IRF2: variants seen among roughly 807,000 people sequenced by gnomAD.
IRF2 encodes the protein interferon regulatory factor 2.
Under a neutral mutation model 40.6 loss-of-function variants are expected in IRF2, and 15 were observed. That is an observed-to-expected ratio of 0.37 (90% CI 0.25 to 0.57). The LOEUF is 0.57. IRF2 is among the 20% of genes least tolerant of loss of function. The probability of loss-of-function intolerance (pLI) is 0.77; values close to 1 mark genes in which losing one functional copy is unlikely to be tolerated. For missense variants in IRF2, 317 were observed against 455.7 expected, an observed-to-expected ratio of 0.70 and a Z score of 2.77; for synonymous variants, 151 against 165.5, an observed-to-expected ratio of 0.91 and a Z score of 0.67.
intron 8 of IRF2, 91 bp from the exon 9 acceptor site, chr4:184,389,157 T>C (rs1736160681): frequency 1.6e-6 from 2 of 1,285,886 alleles, no homozygotes; most frequent in Non-Finnish European, 1.1e-6. Context: ...TGGTGGCTCA[T>C]GCCTGTAATC....
At chr4:184,405,012 G>A (rs1008598448) in intron 6 of IRF2, among the ~76,000 whole-genome samples, 5 of 152,230 alleles carry the variant, frequency 3.3e-5, no homozygotes, top group African/African-American at 1.2e-4. Flanking sequence ...GGAGACCGAG[G>A]TAGGTGGATC....
intron 6 of IRF2, among the ~76,000 whole-genome samples, chr4:184,400,363 CAG>C (rs1736623379): frequency 6.6e-6 from 1 of 152,130 alleles, no homozygotes; most frequent in Non-Finnish European, 1.5e-5. Context: ...TAATTCACCG[CAG>C]AGTCACCCAA....
chr4:184,455,111 G>A (rs760270264), intron 1 of IRF2, among the ~76,000 whole-genome samples: 4 of 151,822 alleles, frequency 2.6e-5, no homozygotes, highest in South Asian at 4.2e-4. Flanking sequence ...GTTCCACAAC[G>A]CCCATTGAAT....
intron 1 of IRF2, among the ~76,000 whole-genome samples, chr4:184,443,692 T>C (rs1397651948): frequency 6.6e-6 from 1 of 152,240 alleles, no homozygotes; most frequent in Non-Finnish European, 1.5e-5. Flanking sequence ...CAGGTATCTT[T>C]TGCTAGAATG....
At chr4:184,411,937 G>A (rs1244706115) in intron 5 of IRF2, among the ~76,000 whole-genome samples, 1 of 147,166 alleles carries the variant, frequency 6.8e-6, no homozygotes, top group Non-Finnish European at 1.5e-5. Flanking sequence ...TTTAGATAGA[G>A]ACTCTTCTGT....
chr4:184,439,337 G>C (rs528937305), intron 1 of IRF2, among the ~76,000 whole-genome samples: 1 of 146,502 alleles, frequency 6.8e-6, no homozygotes, highest in African/African-American at 2.5e-5. Flanking sequence ...AAAAAGCGGG[G>C]CGGAGCGGGG....
At position 184,399,080 on chromosome 4, in the gene IRF2, C is replaced by T. The variant is rs753321388; in HGVS notation, c.530-1G>A. The T allele has an allele frequency of 1.9e-6, 3 of 1,583,898 alleles. No individual in the cohort carries two copies. The highest frequency in any genetic ancestry group is 1.1e-5 in the South Asian group (1 of 87,132). On this transcript the variant is annotated splice_acceptor_variant, in intron 6 of 8. Transcript: ENST00000393593. LOFTEE classifies it high-confidence loss of function. ...CTGTCCAGATGGGACTGTCCTACAA[C>T]TTCAAAGAAAAGACAGCCATCATGC...
intron 1 of IRF2, among the ~76,000 whole-genome samples, chr4:184,466,650 G>A (rs1561131934): frequency 1.3e-5 from 2 of 152,170 alleles, no homozygotes; most frequent in South Asian, 2.1e-4. Flanking sequence ...ATTGAGTTTG[G>A]GGCCTCACAT....
intron 5 of IRF2, among the ~76,000 whole-genome samples, chr4:184,415,967 T>C (rs1737252372): frequency 6.6e-6 from 1 of 152,158 alleles, no homozygotes; most frequent in Admixed American, 6.5e-5. Context: ...TTCTCACACA[T>C]GTGTGAGAAA....
intron 1 of IRF2, among the ~76,000 whole-genome samples, chr4:184,469,323 A>C (rs971512854): frequency 5.9e-5 from 9 of 152,130 alleles, no homozygotes; most frequent in Admixed American, 3.3e-4. Flanking sequence ...TGATGATACC[A>C]GTTTTCTCAA....
chr4:184,466,140 G>A lies in IRF2; in HGVS notation c.-7+8239C>T, dbSNP rs374453211. Among the ~76,000 whole-genome samples, 228 of 146,812 alleles carry A rather than the reference G, an allele frequency of 1.6e-3. 1 individual carries two copies. Among genetic ancestry groups the A allele is most frequent in the Non-Finnish European group, 2.9e-3 (197 of 67,194 alleles). ...ATCTCGGCTCACTGCAACCTCCGCC[G>A]CCTGGGTTCAAGCGATTCTCCTGCC... On this transcript the variant is annotated intron_variant, in intron 1 of 8. Coordinates refer to ENST00000393593, the MANE Select transcript of IRF2 (RefSeq NM_002199.4).
intron 1 of IRF2, among the ~76,000 whole-genome samples, chr4:184,445,150 T>C (rs1306376061): frequency 6.6e-6 from 1 of 152,176 alleles, no homozygotes; most frequent in African/African-American, 2.4e-5. Flanking sequence ...GCTGACAACA[T>C]GCACCAAGAG....
intron 6 of IRF2, among the ~76,000 whole-genome samples, chr4:184,402,546 C>T (rs1353618780): frequency 6.6e-6 from 1 of 152,262 alleles, no homozygotes; most frequent in Non-Finnish European, 1.5e-5. Context: ...TGTGTCCAGT[C>T]ATGACACATG....
chr4:184,407,245 A>G (rs902577957), intron 6 of IRF2: 1 of 1,287,552 alleles, frequency 7.8e-7, no homozygotes, highest in Non-Finnish European at 1.0e-6. Flanking sequence ...TCCGTTTCCC[A>G]AAAACAGAAG....
chr4:184,393,974 A>C (rs1281285682), intron 7 of IRF2, among the ~76,000 whole-genome samples: 2 of 152,218 alleles, frequency 1.3e-5, no homozygotes, highest in Non-Finnish European at 2.9e-5. Context: ...CCTCCAGATC[A>C]GTGTTACTAT....
At chr4:184,412,005 TAAAAAAA>T (rs35183333) in intron 5 of IRF2, among the ~76,000 whole-genome samples, 1 of 95,240 alleles carries the variant, frequency 1.0e-5, no homozygotes, top group African/African-American at 4.5e-5. Context: ...CTCCAAAGAT[TAAAAAAA>T]AAAAAAAAAA....
chr4:184,406,220 G>A (rs1018144268), intron 6 of IRF2, among the ~76,000 whole-genome samples: 6 of 149,822 alleles, frequency 4.0e-5, no homozygotes, highest in African/African-American at 1.5e-4. Context: ...CTCACCCAGA[G>A]CTACTTTTTA....
At chr4:184,417,703 T>G (rs1224446202) in intron 5 of IRF2, among the ~76,000 whole-genome samples, 1 of 152,204 alleles carries the variant, frequency 6.6e-6, no homozygotes, top group African/African-American at 2.4e-5. Context: ...AGTGCTGACA[T>G]TGACCACTCT....
intron 7 of IRF2, among the ~76,000 whole-genome samples, chr4:184,391,022 T>C (rs1736242330): frequency 6.6e-6 from 1 of 152,226 alleles, no homozygotes; most frequent in Non-Finnish European, 1.5e-5. Flanking sequence ...CGCTGGTCCC[T>C]GGGGCCCTCC....
Sources: gnomAD v4.1 joint callset for allele counts (sites outside exome capture counted in the v4.1 genomes callset) on GRCh38, gnomAD v4.1.1 for gene constraint, MANE v1.5 for transcripts, NCBI Gene and HGNC (gene_info 2026-07-23, HGNC 2026-07-21) for gene names.